Variants in ABCA2 observed in about 807,000 individuals in gnomAD.
ABCA2 encodes the protein ATP-binding cassette sub-family A member 2.
In ABCA2, 84 loss-of-function variants were observed where a neutral mutation model predicts 262.8. That is an observed-to-expected ratio of 0.32 (90% CI 0.27 to 0.38). ABCA2 has a LOEUF of 0.38. Ranked by LOEUF, ABCA2 falls within the 10% of genes least tolerant of loss-of-function variation. The pLI, the probability that ABCA2 is intolerant of heterozygous loss-of-function variation, is 1.00. For synonymous variants in ABCA2, 1,696 were observed against 1,502.9 expected, an observed-to-expected ratio of 1.13 and a Z score of -2.97; for missense variants, 2,662 against 3,405.9, an observed-to-expected ratio of 0.78 and a Z score of 5.44.
rs1034141703 is a variant in ABCA2 at position 137,009,794 on chromosome 9, A to G, written c.6605T>C (p.Ile2202Thr). The G allele has an allele frequency of 5.0e-6, 8 of 1,612,084 alleles. No homozygotes were observed. Among genetic ancestry groups the G allele is most frequent in the Admixed American group, 3.3e-5 (2 of 59,922 alleles). The change falls in exon 43 of 49, where the codon ATT (isoleucine) becomes ACT (threonine). Residue 2202 changes from isoleucine (I) to threonine (T), a missense_variant. Coordinates refer to ENST00000341511, the MANE Select transcript of ABCA2 (RefSeq NM_001606.5). ...CAGGAAGATGAAGGCTGGGTACCCA[A>G]TGAGGGCGATGGCCGTGGAGAGCTT... ...KRKLSTAIALIGYPAFIFLDE... is the reference protein window; with the variant it reads ...KRKLSTAIALTGYPAFIFLDE...
At position 137,022,344 on chromosome 9, in the gene ABCA2, G is replaced by A. The variant is rs1364945128; in HGVS notation, c.567+7C>T. On this transcript the variant is annotated splice_region_variant and intron_variant, in intron 6 of 48. Transcript: ENST00000341511. ...GTGGCCAGGGCTGGGAGCTGTCCCTGCCTTACCTCGGGCGGGTCCACACGG... is the reference window on the plus strand; with the variant it reads ...GTGGCCAGGGCTGGGAGCTGTCCCTACCTTACCTCGGGCGGGTCCACACGG... 2 of 1,598,346 alleles carry A rather than the reference G, an allele frequency of 1.3e-6. No homozygotes were observed. Among genetic ancestry groups the A allele is most frequent in the Admixed American group, 1.7e-5 (1 of 57,828 alleles).
In ABCA2 at chr9:137,014,962, A is replaced by G; in HGVS notation, c.3833T>C (p.Ile1278Thr). 1 of 1,577,092 alleles carries G rather than the reference A, an allele frequency of 6.3e-7. No homozygotes were observed. The highest frequency in any genetic ancestry group is 1.2e-5 in the South Asian group (1 of 85,168). ...VSDTSTELSY[I>T]LPSEAAKKGA... ...CTTCTTGGCGGCCTCGCTGGGCAGG[A>G]TGTAGGAGAGCTCCGTGCTTGTGTC... The change falls in exon 25 of 49, where the codon ATC (isoleucine) becomes ACC (threonine). Residue 1278 changes from isoleucine to threonine, a missense_variant. Transcript: ENST00000341511.
At chr9:137,023,883 G>T in intron 2 of ABCA2, 43 bp from the exon 3 acceptor site, 1 of 951,390 alleles carries the variant, frequency 1.1e-6, no homozygotes, top group East Asian at 2.4e-5. Flanking sequence ...GGGAGGGAGG[G>T]GGATCAAAAC....
Position 137,015,998 on chromosome 9 carries a change from C to T in ABCA2, c.3281G>A (p.Ser1094Asn), listed in dbSNP as rs765940396. 2.9e-5 allele frequency: 45 copies of T among 1,575,760 alleles called. 1 individual carries two copies. In the East Asian group the frequency reaches 9.3e-4, roughly 33 times the overall value. The change falls in exon 22 of 49, where the codon AGC (serine) becomes AAC (asparagine). Residue 1094 changes from serine to asparagine, a missense_variant. Physicochemically the swap from Ser to Asn is conservative, Grantham distance 46 (BLOSUM62 1). Transcript: ENST00000341511. Reference sequence around the variant, plus strand: ...TCTGCGGATCTCCTCCTGAGCCATGCTCTTGAGCCGTGAGTAGAACCAGAG... The same window carrying T: ...TCTGCGGATCTCCTCCTGAGCCATGTTCTTGAGCCGTGAGTAGAACCAGAG... Reference protein sequence around the residue: ...EHLWFYSRLKSMAQEEIRREM... With the variant: ...EHLWFYSRLKNMAQEEIRREM...
Position 137,019,901 on chromosome 9 carries a change from AC to A in ABCA2, c.1425+434del. The A allele has an allele frequency of 5.0e-6, 1 of 199,270 alleles. No individual in the cohort carries two copies. The highest frequency in any genetic ancestry group is 7.5e-5 in the South Asian group (1 of 13,330). The allele number at this position is 199,270 out of a possible 1,614,324, so 12.3% of individuals were successfully genotyped here. A position where few individuals can be genotyped will look rare whatever the true frequency, so the allele number is the denominator to read the frequency against. ...CATCTGTCCCACCCTCATCCTAGGG[AC>A]CCCCTCTACACCCAGGATTGGCCTC... On this transcript the variant is annotated intron_variant, in intron 10 of 48. Transcript: ENST00000341511. The surrounding 1 kb of genome is among the most constrained non-coding windows in gnomAD (Gnocchi z 4.4).
At position 137,013,468 on chromosome 9, in the gene ABCA2, C is replaced by G. The variant is rs1389978024; in HGVS notation, c.4543G>C (p.Glu1515Gln). The G allele has an allele frequency of 1.9e-6, 3 of 1,605,190 alleles. No homozygotes were observed. Among genetic ancestry groups the G allele is most frequent in the African/African-American group, 1.3e-5 (1 of 75,026 alleles). The change falls in exon 29 of 49, where the codon GAG becomes CAG. Residue 1515 changes from glutamate (E) to glutamine (Q), a missense_variant. Around this residue, in one of 12 missense-constraint regions of ABCA2, gnomAD observed 192 missense variants for 207.2 expected, o/e 0.93. Coordinates refer to ENST00000341511, the MANE Select transcript of ABCA2 (RefSeq NM_001606.5). ...FIPYANEERR[E>Q]YRLRLSPDAS... is the part of the protein sequence containing the mutation. Reference sequence around the variant, plus strand: ...CCCCGCTGGAGGCCTCACCGGTACTCGCGGCGCTCCTCGTTGGCGTAGGGG... The same window carrying G: ...CCCCGCTGGAGGCCTCACCGGTACTGGCGGCGCTCCTCGTTGGCGTAGGGG...
chr9:137,018,595 G>A (rs1224303494), intron 13 of ABCA2, 124 bp downstream of exon 13: 6 of 771,910 alleles, frequency 7.8e-6, no homozygotes, highest in Admixed American at 2.4e-5. Flanking sequence ...GAGGGGAAGT[G>A]GCGGGTGAGG....
chr9:137,015,827 A>G lies in ABCA2; in HGVS notation c.3362T>C (p.Val1121Ala). ...LELSNKRHSL[V>A]QTLSGGMKRK... is the part of the protein sequence containing the mutation. ...CTTCATGCCACCCGACAATGTCTGC[A>G]CCAGTGAGTGCCGTTTGTTGGAGAG... is the stretch of plus-strand genomic sequence containing the variant. Residue 1121 changes from valine to alanine, a missense_variant, in exon 23 of 49, where the codon GTG becomes GCG. Coordinates refer to ENST00000341511, the MANE Select transcript of ABCA2 (RefSeq NM_001606.5). The G allele has an allele frequency of 1.9e-6, 3 of 1,611,948 alleles. No homozygotes were observed. Among genetic ancestry groups the G allele is most frequent in the Non-Finnish European group, 2.5e-6 (3 of 1,179,494 alleles).
chr9:137,020,076 C>A, intron 10 of ABCA2: 1 of 520,704 alleles, frequency 1.9e-6, no homozygotes, highest in Admixed American at 3.3e-5. Flanking sequence ...TCCACCAGCA[C>A]TGCCCTGGAC....
At position 137,007,699 on chromosome 9, in the gene ABCA2, G is replaced by T; in HGVS notation, c.*230C>A. 1.6e-6 allele frequency: 1 copy of T among 620,900 alleles called. No homozygotes were observed. Among genetic ancestry groups the T allele is most frequent in the Non-Finnish European group, 2.8e-6 (1 of 352,122 alleles). The allele number at this position is 620,900 out of a possible 1,614,324, so 38.5% of individuals were successfully genotyped here. On this transcript the variant is annotated 3_prime_UTR_variant, in exon 49 of 49. Transcript: ENST00000341511. Reference sequence around the variant, plus strand: ...GAGGCTTTAAGGCAAAGCAGGGCAAGGGTGTACGCAGCCCGGGCCGGGTCA... The same window carrying T: ...GAGGCTTTAAGGCAAAGCAGGGCAATGGTGTACGCAGCCCGGGCCGGGTCA...
rs1830914297 is a variant in ABCA2 at position 137,008,545 on chromosome 9, G to A, written c.7146C>T (p.Ser2382=). 2.5e-6 allele frequency: 4 copies of A among 1,604,994 alleles called. No homozygotes were observed. Among genetic ancestry groups the A allele is most frequent in the Non-Finnish European group, 2.5e-6 (3 of 1,176,588 alleles). ...GCAGGCTGAGCAAGCAGCCGAGAGG[G>A]GACTGCAGTGCGGATGGCGGCTCCG... is the stretch of plus-strand genomic sequence containing the variant. The part of the protein sequence containing the change: ...QETEPPSALQ[S]PLGCLLSLLR... Residue 2382 remains serine, a synonymous_variant, in exon 48 of 49, where the codon TCC becomes TCT. Coordinates refer to ENST00000341511, the MANE Select transcript of ABCA2 (RefSeq NM_001606.5).
chr9:137,011,884 T>C lies in ABCA2; in HGVS notation c.5495A>G (p.Asn1832Ser), dbSNP rs751581819. 5 of 1,610,196 alleles carry C rather than the reference T, an allele frequency of 3.1e-6. No individual in the cohort carries two copies. In the African/African-American group the frequency reaches 5.3e-5, roughly 17 times the overall value. Residue 1832 changes from asparagine to serine, a missense_variant, in exon 35 of 49, where the codon AAC becomes AGC. This residue lies in a region of ABCA2 where 602 missense variants were observed against 897.4 expected (regional missense o/e 0.67). Coordinates refer to ENST00000341511, the MANE Select transcript of ABCA2 (RefSeq NM_001606.5). The surrounding 1 kb of genome is among the most constrained non-coding windows in gnomAD (Gnocchi z 8.8). Reference protein sequence around the residue: ...AKHLQFVSGCNPIIYWLANYV... With the variant: ...AKHLQFVSGCSPIIYWLANYV... ...GTTCGCCAGCCAGTAGATGATGGGG[T>C]TGCAGCCGCTGACAAACTGCAGGTG...
At chr9:137,015,291 C>T in intron 24 of ABCA2, 123 bp downstream of exon 24, 6 of 1,308,104 alleles carry the variant, frequency 4.6e-6, no homozygotes, top group Non-Finnish European at 6.2e-6. Context: ...CGGGCCAGGC[C>T]CCAGCAGGCA....
chr9:137,014,103 A>G, intron 27 of ABCA2, 65 bp from the exon 28 acceptor site: 1 of 1,591,306 alleles, frequency 6.3e-7, no homozygotes. Flanking sequence ...GGCTGCCCTC[A>G]TGCCGCTCCC....
intron 24 of ABCA2, 43 bp from the exon 25 acceptor site, chr9:137,015,140 G>C: frequency 6.5e-7 from 1 of 1,532,266 alleles, no homozygotes; most frequent in Non-Finnish European, 8.8e-7. Flanking sequence ...CTCAGGGGCT[G>C]GGAGGAGGGA....
Position 137,007,777 on chromosome 9 carries a change from G to A in ABCA2, c.*152C>T. The stretch of plus-strand genomic sequence containing the variant: ...CGCAGTGACCACAGGGCATGGCCGA[G>A]TACAGGGGCTGGAGGACCAGAAGCC... On this transcript the variant is annotated 3_prime_UTR_variant, in exon 49 of 49. Coordinates refer to ENST00000341511, the MANE Select transcript of ABCA2 (RefSeq NM_001606.5). 2 of 1,093,662 alleles carry A rather than the reference G, an allele frequency of 1.8e-6. No individual in the cohort carries two copies. Among genetic ancestry groups the A allele is most frequent in the Non-Finnish European group, 1.3e-6 (1 of 752,564 alleles). The allele number at this position is 1,093,662 out of a possible 1,614,324, so 67.7% of individuals were successfully genotyped here.
chr9:137,019,097 G>C lies in ABCA2; in HGVS notation c.1555-27C>G, dbSNP rs750761166. On this transcript the variant is annotated intron_variant, in intron 11 of 48. Transcript: ENST00000341511. This position sits in a 1 kb window ranked among gnomAD's most constrained non-coding sequence, Gnocchi z 4.4. ...TTGGGGTGGAGGGGCGGCTCAGAGG[G>C]GGACCTGCGCCTGCCGAGCCGGGCA... 1.2e-6 allele frequency: 2 copies of C among 1,603,578 alleles called. No individual in the cohort carries two copies. Among genetic ancestry groups the C allele is most frequent in the Non-Finnish European group, 8.5e-7 (1 of 1,173,526 alleles).
rs780809473 is a variant in ABCA2, at chr9:137,015,106, G to C, written c.3698-9C>G. 3.2e-6 allele frequency: 5 copies of C among 1,568,782 alleles called. No individual in the cohort carries two copies. The highest frequency in any genetic ancestry group is 2.4e-5 in the South Asian group (2 of 84,456). On this transcript the variant is annotated splice_polypyrimidine_tract_variant and intron_variant, in intron 24 of 48. Transcript: ENST00000341511. ...GGATGCCAGCCCTGGCTCTGTGGGG[G>C]ACGTGGGAGCAGGAAGGAATTCACT... is the stretch of plus-strand genomic sequence containing the variant.
At chr9:137,008,273 C>T (rs973967065) in intron 48 of ABCA2, 143 bp downstream of exon 48, 2 of 984,746 alleles carry the variant, frequency 2.0e-6, no homozygotes, top group African/African-American at 3.2e-5. Context: ...TGCAAGTGTC[C>T]CTCGCCCACT....
Sources: allele counts gnomAD v4.1 joint callset, GRCh38; gene constraint gnomAD v4.1.1; regional missense constraint gnomAD v4.1.1; non-coding constraint Gnocchi (gnomAD v3.1); transcripts MANE v1.5; gene names NCBI Gene and HGNC (gene_info 2026-07-23, HGNC 2026-07-21).